The following RELN variants were observed in gnomAD, a reference collection of about 807,000 sequenced individuals.
RELN encodes reelin.
RELN carries 108 observed loss-of-function variants against 427.6 expected under a neutral mutation model. The observed-to-expected ratio is 0.25, with a 90% CI of 0.22 to 0.30. The LOEUF (loss-of-function observed/expected upper bound fraction) is 0.30. RELN is among the 10% of genes least tolerant of loss of function. The pLI is 1.00. For synonymous variants in RELN, 1,524 were observed against 1,513.4 expected (o/e 1.01, Z -0.16); for missense variants, 3,715 against 4,302.8 (o/e 0.86, Z 3.82).
chr7:103,540,570 G>A (rs374052852), intron 43 of RELN, 115 bp from the exon 44 acceptor site: 2 of 871,848 alleles, frequency 2.3e-6, no homozygotes, highest in Admixed American at 1.9e-5. Flanking sequence ...TAAATATGGC[G>A]ATTTAATGAG....
rs187856128 is a variant in RELN, at chr7:103,849,461, C to A, written c.338-15789G>T. On this transcript the variant is annotated intron_variant, in intron 2 of 64. Coordinates refer to ENST00000428762, the MANE Select transcript of RELN (RefSeq NM_005045.4). Reference sequence around the variant, plus strand: ...GGAAATTCTCAACACAGCCATCTTTCTAAAATGCAAATATGATTTTCTCAT... The same window carrying A: ...GGAAATTCTCAACACAGCCATCTTTATAAAATGCAAATATGATTTTCTCAT... Among the ~76,000 whole-genome samples the A allele has an allele frequency of 1.4e-3, 208 of 152,254 alleles. 1 individual carries two copies. The highest frequency in any genetic ancestry group is 4.9e-3 in the African/African-American group (205 of 41,546).
In RELN at chr7:103,620,389, A is replaced by G. The variant is rs1017021220; in HGVS notation, c.2703-8586T>C. ...ATTCATCTCCGATCTCAGGCTATCCATAACTCCCTGACTCCTCTTTTTCTT... is the reference window on the plus strand; with the variant it reads ...ATTCATCTCCGATCTCAGGCTATCCGTAACTCCCTGACTCCTCTTTTTCTT... On this transcript the variant is annotated intron_variant, in intron 20 of 64. Coordinates refer to ENST00000428762, the MANE Select transcript of RELN (RefSeq NM_005045.4). The surrounding 1 kb of genome is among the most constrained non-coding windows in gnomAD (Gnocchi z 4.1). Among the ~76,000 whole-genome samples the G allele has an allele frequency of 3.9e-5, 6 of 152,090 alleles. No homozygotes were observed. Among genetic ancestry groups the G allele is most frequent in the Non-Finnish European group, 7.4e-5 (5 of 68,022 alleles).
intron 41 of RELN, among the ~76,000 whole-genome samples, chr7:103,550,351 T>C (rs953521015): frequency 6.6e-6 from 1 of 152,246 alleles, no homozygotes; most frequent in African/African-American, 2.4e-5. Context: ...AGTACTTTCT[T>C]CTTTTTTGAC....
chr7:103,801,173 C>T (rs528421003), intron 3 of RELN, among the ~76,000 whole-genome samples: 25 of 152,240 alleles, frequency 1.6e-4, no homozygotes, highest in African/African-American at 6.0e-4. Context: ...GACAGTGTGA[C>T]GATTCCTCAA....
chr7:103,661,075 T>C (rs1418286434), intron 12 of RELN, among the ~76,000 whole-genome samples: 1 of 152,168 alleles, frequency 6.6e-6, no homozygotes, highest in African/African-American at 2.4e-5. Context: ...CGCTTTGTTT[T>C]AGCTTATCTC....
At chr7:103,753,465 GT>G (rs1305446505) in intron 4 of RELN, among the ~76,000 whole-genome samples, 1 of 152,264 alleles carries the variant, frequency 6.6e-6, no homozygotes, top group African/African-American at 2.4e-5. Flanking sequence ...TCACTGAATT[GT>G]TAGCTCTAAT....
Position 103,563,533 on chromosome 7 carries a change from A to C in RELN, c.5211-1580T>G, listed in dbSNP as rs1169159580. On this transcript the variant is annotated intron_variant, in intron 34 of 64. Transcript: ENST00000428762. The surrounding 1 kb of genome is among the most constrained non-coding windows in gnomAD (Gnocchi z 4.1). ...TCCAAAAGTTTTAAAAAAAGTTTAT[A>C]TAATGGAAAAGTTATAGTAAGGTAA... Among the ~76,000 whole-genome samples, 1 of 152,248 alleles carries C rather than the reference A, an allele frequency of 6.6e-6. No homozygotes were observed. The highest frequency in any genetic ancestry group is 6.5e-5 in the Admixed American group (1 of 15,286).
intron 53 of RELN, among the ~76,000 whole-genome samples, chr7:103,499,164 A>T (rs1043704455): frequency 2.0e-5 from 3 of 152,182 alleles, no homozygotes; most frequent in South Asian, 4.1e-4. Context: ...AGTTTGAAAG[A>T]TGTTTCACCT....
At chr7:103,826,536 T>C (rs889773037) in intron 3 of RELN, among the ~76,000 whole-genome samples, 4 of 152,058 alleles carry the variant, frequency 2.6e-5, no homozygotes, top group African/African-American at 9.7e-5. Flanking sequence ...TCCAAATAAC[T>C]ACACTGGCAA....
intron 10 of RELN, among the ~76,000 whole-genome samples, chr7:103,685,816 A>G (rs1440149130): frequency 6.6e-6 from 1 of 152,118 alleles, no homozygotes; most frequent in Non-Finnish European, 1.5e-5. Context: ...AACACAGAGT[A>G]ACTAAGTGAC....
chr7:103,856,561 C>A (rs1793949665), intron 2 of RELN, among the ~76,000 whole-genome samples: 2 of 118,364 alleles, frequency 1.7e-5, no homozygotes, highest in South Asian at 3.7e-4. Context: ...AAGAGTCAAA[C>A]TCCACCTCAA....
chr7:103,965,875 T>C (rs961955450), intron 1 of RELN, among the ~76,000 whole-genome samples: 135 of 152,344 alleles, frequency 8.9e-4, no homozygotes, highest in African/African-American at 3.1e-3. Context: ...AAAAATTTAT[T>C]GAAACCAATA....
At chr7:103,940,562 T>C (rs935286492) in intron 1 of RELN, among the ~76,000 whole-genome samples, 1 of 152,186 alleles carries the variant, frequency 6.6e-6, no homozygotes, top group Non-Finnish European at 1.5e-5. Context: ...GCTGCTATCC[T>C]TTCCATATCC....
intron 34 of RELN, 99 bp from the exon 35 acceptor site, chr7:103,562,052 C>G: frequency 2.8e-6 from 4 of 1,412,764 alleles, no homozygotes; most frequent in Non-Finnish European, 3.9e-6. Flanking sequence ...CTTTAAAGTG[C>G]CTTCCTCCAG....
At chr7:103,605,487 A>G (rs1343531180) in intron 22 of RELN, among the ~76,000 whole-genome samples, 2 of 152,248 alleles carry the variant, frequency 1.3e-5, no homozygotes, top group Non-Finnish European at 2.9e-5. Context: ...ATATTTTGAG[A>G]GTAATGTCAA....
At position 103,640,599 on chromosome 7, in the gene RELN, G is replaced by C; in HGVS notation, c.2013C>G (p.Gly671=). The C allele has an allele frequency of 6.2e-7, 1 of 1,613,744 alleles. No homozygotes were observed. The highest frequency in any genetic ancestry group is 1.3e-5 in the African/African-American group (1 of 75,004). The change falls in exon 17 of 65, where the codon GGC becomes GGG. Residue 671 remains glycine, a synonymous_variant. Coordinates refer to ENST00000428762, the MANE Select transcript of RELN (RefSeq NM_005045.4). The surrounding 1 kb of genome is among the most constrained non-coding windows in gnomAD (Gnocchi z 4.1). The stretch of plus-strand genomic sequence containing the variant: ...CAGAACAGAATTTGAGACATGACGG[G>C]CCAATATAAACTGTGGGAGGGAAAA... The part of the protein sequence containing the change: ...NMWAIDNVYI[G]PSCLKFCSGR...
intron 2 of RELN, among the ~76,000 whole-genome samples, chr7:103,859,897 T>C (rs1563055725): frequency 6.6e-6 from 1 of 152,126 alleles, no homozygotes; most frequent in Non-Finnish European, 1.5e-5. Flanking sequence ...AGATATCCAA[T>C]GTAAGACACC....
chr7:103,664,214 C>T (rs1051092378), intron 11 of RELN, among the ~76,000 whole-genome samples: 2 of 152,160 alleles, frequency 1.3e-5, no homozygotes, highest in African/African-American at 4.8e-5. Context: ...TGACCATAAA[C>T]TTTTGATAGA....
intron 8 of RELN, among the ~76,000 whole-genome samples, chr7:103,720,819 A>T (rs1304933571): frequency 6.6e-6 from 1 of 152,134 alleles, no homozygotes. Flanking sequence ...AAACAGAATG[A>T]TGTCACACCC....
Sources: allele counts gnomAD v4.1 joint callset (sites outside exome capture counted in the v4.1 genomes callset), GRCh38; gene constraint gnomAD v4.1.1; non-coding constraint Gnocchi (gnomAD v3.1); transcripts MANE v1.5; gene names NCBI Gene and HGNC (gene_info 2026-07-23, HGNC 2026-07-21).